Variants in CPA6 observed in about 807,000 individuals in gnomAD.
CPA6 encodes the protein carboxypeptidase A6, also known as carboxypeptidase B.
Under a neutral mutation model 63.3 loss-of-function variants are expected in CPA6, and 58 were observed. The ratio of observed to expected loss-of-function variants is 0.92; its 90% confidence interval spans 0.74 to 1.14. The LOEUF is 1.14. CPA6 is among the 50% of genes most tolerant of loss of function. The pLI, the probability that CPA6 is intolerant of heterozygous loss-of-function variation, is 0.00. For missense variants in CPA6, 565 were observed against 526.6 expected (o/e 1.07, Z -0.71); for synonymous variants, 185 against 179.0 (o/e 1.03, Z -0.27).
intron 8 of CPA6, among the ~76,000 whole-genome samples, chr8:67,471,308 A>G (rs1298528425): frequency 6.6e-6 from 1 of 152,204 alleles, no homozygotes; most frequent in Non-Finnish European, 1.5e-5. Context: ...ACTGTCTAGC[A>G]TGTGTAACAA....
chr8:67,504,934 T>C (rs140147595), intron 6 of CPA6, among the ~76,000 whole-genome samples: 15 of 152,284 alleles, frequency 9.9e-5, no homozygotes, highest in African/African-American at 2.6e-4. Context: ...CCCAATGATG[T>C]ATCGGTGGAA....
rs561921533 is a variant in CPA6, at chr8:67,585,647, G to A, written c.192+38529C>T. Reference sequence around the variant, plus strand: ...AGGGTCTAAGGATAGTAGGAAGATAGGTGCTAGATATATAAGTATTAATGT... The same window carrying A: ...AGGGTCTAAGGATAGTAGGAAGATAAGTGCTAGATATATAAGTATTAATGT... On this transcript the variant is annotated intron_variant, in intron 2 of 10. Transcript: ENST00000297770. Among the ~76,000 whole-genome samples, 9 of 152,228 alleles carry A rather than the reference G, an allele frequency of 5.9e-5. No individual in the cohort carries two copies. In the East Asian group the frequency reaches 1.7e-3, roughly 29 times the overall value.
At chr8:67,674,423 T>C (rs1032213927) in intron 1 of CPA6, among the ~76,000 whole-genome samples, 1 of 152,238 alleles carries the variant, frequency 6.6e-6, no homozygotes, top group Admixed American at 6.5e-5. Context: ...TTCATATCCA[T>C]AGCAGGAATA....
intron 2 of CPA6, among the ~76,000 whole-genome samples, chr8:67,560,160 G>GAGATAT (rs1813171314): frequency 1.4e-5 from 2 of 139,998 alleles, no homozygotes; most frequent in Admixed American, 7.1e-5. Flanking sequence ...TGTATTTCCG[G>GAGATAT]ATATATATAT....
chr8:67,544,732 C>T (rs368457678), intron 2 of CPA6, among the ~76,000 whole-genome samples: 14 of 152,236 alleles, frequency 9.2e-5, no homozygotes, highest in East Asian at 3.9e-4. Context: ...AGATGTAATT[C>T]GCTGCTTCTG....
intron 2 of CPA6, among the ~76,000 whole-genome samples, chr8:67,568,116 C>T (rs1176275849): frequency 6.6e-6 from 1 of 152,160 alleles, no homozygotes; most frequent in Non-Finnish European, 1.5e-5. Context: ...TACGAGCTGG[C>T]CCATCCACAC....
At chr8:67,472,867 A>C (rs905356276) in intron 8 of CPA6, among the ~76,000 whole-genome samples, 2 of 152,240 alleles carry the variant, frequency 1.3e-5, no homozygotes, top group African/African-American at 4.8e-5. Context: ...TTTACTCACA[A>C]GAATAATCAG....
chr8:67,538,254 C>T (rs1343400068), intron 2 of CPA6, among the ~76,000 whole-genome samples: 2 of 152,128 alleles, frequency 1.3e-5, no homozygotes, highest in African/African-American at 4.8e-5. Flanking sequence ...AATTTTCTGT[C>T]TTGTTGATCT....
chr8:67,670,575 C>T (rs187279853), intron 1 of CPA6, among the ~76,000 whole-genome samples: 21 of 152,244 alleles, frequency 1.4e-4, no homozygotes, highest in Admixed American at 1.3e-3. Context: ...TGTAGGCAAA[C>T]CTTACTGTCC....
chr8:67,668,232 T>C (rs779948673), intron 1 of CPA6, among the ~76,000 whole-genome samples: 2 of 152,242 alleles, frequency 1.3e-5, no homozygotes, highest in Admixed American at 6.5e-5. Flanking sequence ...ACTGGTAAAA[T>C]ATACTTTATC....
chr8:67,615,200 A>G (rs778941643), intron 2 of CPA6, among the ~76,000 whole-genome samples: 47 of 152,196 alleles, frequency 3.1e-4, no homozygotes, highest in Non-Finnish European at 5.4e-4. Context: ...TACAGCTAGA[A>G]AAATGAAATG....
rs184341144 is a variant in CPA6, at chr8:67,537,857, C to T, written c.193-19810G>A. On this transcript the variant is annotated intron_variant, in intron 2 of 10. Coordinates refer to ENST00000297770, the MANE Select transcript of CPA6 (RefSeq NM_020361.5). ...AATTTCCCTCTAAACACTGCTTTAG[C>T]GGTGTCCCAAAGATTCTAGTACGTT... 1.7e-3 allele frequency among the ~76,000 whole-genome samples: 263 copies of T among 152,238 alleles called. 2 individuals are homozygous for T. The highest frequency in any genetic ancestry group is 5.8e-3 in the African/African-American group (243 of 41,548).
At chr8:67,595,320 G>GGGGGTCA (rs1814296903) in intron 2 of CPA6, among the ~76,000 whole-genome samples, 2 of 152,196 alleles carry the variant, frequency 1.3e-5, no homozygotes, top group African/African-American at 2.4e-5. Flanking sequence ...TAGGCTGCTC[G>GGGGGTCA]GGGGTCAGGG....
chr8:67,484,722 A>T lies in CPA6; in HGVS notation c.704T>A (p.Met235Lys). 5.0e-6 allele frequency: 8 copies of T among 1,610,918 alleles called. No homozygotes were observed. Among genetic ancestry groups the T allele is most frequent in the Non-Finnish European group, 6.8e-6 (8 of 1,177,196 alleles). ...KMLNHLYFYI[M>K]PVFNVDGYHF... Reference sequence around the variant, plus strand: ...GTATCCATCGACGTTAAACACAGGCATGATATAGAAATATAGATGATTCAA... The same window carrying T: ...GTATCCATCGACGTTAAACACAGGCTTGATATAGAAATATAGATGATTCAA... Residue 235 changes from methionine (M) to lysine (K), a missense_variant, in exon 7 of 11, where the codon ATG becomes AAG. Transcript: ENST00000297770.
chr8:67,587,745 T>C (rs1474064762), intron 2 of CPA6, among the ~76,000 whole-genome samples: 1 of 152,104 alleles, frequency 6.6e-6, no homozygotes, highest in Non-Finnish European at 1.5e-5. Context: ...TGTGTTGTTG[T>C]GTAGGTAAAG....
In CPA6 at chr8:67,732,643, C is replaced by T. The variant is rs533925689; in HGVS notation, c.116+13371G>A. 2.3e-3 allele frequency: 346 copies of T among 152,408 alleles called. 2 individuals carry two copies. The highest frequency in any genetic ancestry group is 3.9e-3 in the Non-Finnish European group (266 of 68,196). 9.4% of individuals were successfully genotyped at this position (152,408 alleles called of 1,614,324 possible). On this transcript the variant is annotated intron_variant, in intron 1 of 10. Coordinates refer to ENST00000297770, the MANE Select transcript of CPA6 (RefSeq NM_020361.5). Reference sequence around the variant, plus strand: ...GCGCGGTCACGGCTGATTGGTGGGACCTGGGAACTCGCGCTGGAGGAGGTA... The same window carrying T: ...GCGCGGTCACGGCTGATTGGTGGGATCTGGGAACTCGCGCTGGAGGAGGTA...
intron 2 of CPA6, among the ~76,000 whole-genome samples, chr8:67,610,667 C>T (rs971214818): frequency 2.0e-5 from 3 of 152,142 alleles, no homozygotes; most frequent in Non-Finnish European, 2.9e-5. Context: ...TTGTCTATGG[C>T]GAAGTTCCAG....
intron 8 of CPA6, among the ~76,000 whole-genome samples, chr8:67,442,958 T>C (rs1475117861): frequency 3.3e-5 from 5 of 152,168 alleles, no homozygotes; most frequent in Non-Finnish European, 7.4e-5. Context: ...CCAAAGCCTT[T>C]CTTAGAGCTG....
chr8:67,643,318 C>T (rs1401987095), intron 1 of CPA6, among the ~76,000 whole-genome samples: 1 of 152,070 alleles, frequency 6.6e-6, no homozygotes, highest in Admixed American at 6.5e-5. Context: ...AGAAACAACC[C>T]AAACTTTTCT....
Sources: gnomAD v4.1 joint callset for allele counts (sites outside exome capture counted in the v4.1 genomes callset) on GRCh38, gnomAD v4.1.1 for gene constraint, MANE v1.5 for transcripts, NCBI Gene and HGNC (gene_info 2026-07-23, HGNC 2026-07-21) for gene names.